Variants in FTO observed in about 807,000 individuals in gnomAD.
FTO encodes the protein alpha-ketoglutarate-dependent dioxygenase FTO.
A neutral mutation model predicts 63.9 loss-of-function variants in FTO; 47 were observed. That is an observed-to-expected ratio of 0.74 (90% confidence interval 0.58 to 0.94). The LOEUF (loss-of-function observed/expected upper bound fraction) is 0.94. Among genes scored for constraint, FTO ranks in the 40% least tolerant of loss-of-function variants. The pLI, the probability that FTO is intolerant of heterozygous loss-of-function variation, is 0.00. For synonymous variants in FTO, 207 were observed against 224.4 expected, an observed-to-expected ratio of 0.92 and a Z score of 0.69; for missense variants, 562 against 618.1, an observed-to-expected ratio of 0.91 and a Z score of 0.96.
chr16:53,843,318 T>C (rs1007294531), intron 3 of FTO, among the ~76,000 whole-genome samples: 1 of 152,218 alleles, frequency 6.6e-6, no homozygotes, highest in African/African-American at 2.4e-5. Flanking sequence ...AATTGTCCTC[T>C]ACAGAGAGTG....
chr16:53,790,703 T>A (rs1193244862), intron 1 of FTO, among the ~76,000 whole-genome samples: 1 of 151,798 alleles, frequency 6.6e-6, no homozygotes, highest in African/African-American at 2.4e-5. Context: ...TGTTGTAATA[T>A]CCTGAAGACA....
intron 8 of FTO, among the ~76,000 whole-genome samples, chr16:54,110,206 C>G (rs2086850907): frequency 6.6e-6 from 1 of 152,188 alleles, no homozygotes; most frequent in South Asian, 2.1e-4. Flanking sequence ...ACCCTCTGTT[C>G]TTCAGTGCAG....
At chr16:53,974,571 A>G (rs546730944) in intron 8 of FTO, among the ~76,000 whole-genome samples, 36 of 152,330 alleles carry the variant, frequency 2.4e-4, no homozygotes, top group African/African-American at 8.7e-4. Flanking sequence ...TATAAATTGC[A>G]AAAACCATGG....
chr16:53,735,317 G>A lies in FTO; in HGVS notation c.45+31088G>A, dbSNP rs576780961. Among the ~76,000 whole-genome samples, 7 of 152,336 alleles carry A rather than the reference G, an allele frequency of 4.6e-5. No individual in the cohort carries two copies. In the South Asian group the frequency reaches 1.4e-3, roughly 32 times the overall value. On this transcript the variant is annotated intron_variant, in intron 1 of 8. Transcript: ENST00000471389. ...TGCTAGACACAGGAGATACTGCAGT[G>A]AATAAGATGGACAGTCTCTGAACTC...
intron 1 of FTO, among the ~76,000 whole-genome samples, chr16:53,730,407 A>AT (rs921573215): frequency 2.6e-5 from 4 of 151,814 alleles, no homozygotes; most frequent in African/African-American, 9.7e-5. Flanking sequence ...TAAATTTCAT[A>AT]TTTTTTCTAT....
At chr16:53,961,395 C>T (rs958086328) in intron 8 of FTO, among the ~76,000 whole-genome samples, 1 of 152,186 alleles carries the variant, frequency 6.6e-6, no homozygotes, top group African/African-American at 2.4e-5. Flanking sequence ...TTATTGTGGG[C>T]TGACACTTGA....
intron 1 of FTO, among the ~76,000 whole-genome samples, chr16:53,760,141 C>G (rs1184020604): frequency 6.6e-6 from 1 of 151,922 alleles, no homozygotes; most frequent in Non-Finnish European, 1.5e-5. Flanking sequence ...GGCATGGGAG[C>G]TCACTTCTTA....
intron 1 of FTO, among the ~76,000 whole-genome samples, chr16:53,741,130 C>A (rs1484029007): frequency 6.6e-6 from 1 of 152,150 alleles, no homozygotes; most frequent in East Asian, 1.9e-4. Flanking sequence ...TGAAACATAG[C>A]CATGCTCATT....
At chr16:53,929,182 A>C (rs201858312) in intron 7 of FTO, among the ~76,000 whole-genome samples, 106 of 152,326 alleles carry the variant, frequency 7.0e-4, no homozygotes, top group Admixed American at 1.6e-3. Context: ...CACCACCACA[A>C]TCAAGGTACA....
chr16:53,783,388 G>T (rs938785193), intron 1 of FTO, among the ~76,000 whole-genome samples: 18 of 151,916 alleles, frequency 1.2e-4, no homozygotes, highest in African/African-American at 4.1e-4. Context: ...CGAGGCGGGC[G>T]GGTCACGAGG....
At chr16:53,922,134 A>G (rs1157258841) in intron 7 of FTO, among the ~76,000 whole-genome samples, 1 of 152,222 alleles carries the variant, frequency 6.6e-6, no homozygotes, top group African/African-American at 2.4e-5. Context: ...TTGTCTTTGT[A>G]GAGATCTTGG....
intron 2 of FTO, among the ~76,000 whole-genome samples, chr16:53,811,396 G>T (rs1207844906): frequency 1.3e-5 from 2 of 152,156 alleles, no homozygotes; most frequent in Non-Finnish European, 2.9e-5. Context: ...ACCAAGGAAG[G>T]AAGAGAGGAA....
chr16:53,961,393 G>A (rs779802662), intron 8 of FTO, among the ~76,000 whole-genome samples: 3 of 152,244 alleles, frequency 2.0e-5, no homozygotes, highest in Non-Finnish European at 4.4e-5. Context: ...TGTTATTGTG[G>A]GCTGACACTT....
chr16:54,084,819 T>G (rs918029), intron 8 of FTO, among the ~76,000 whole-genome samples: 1 of 151,586 alleles, frequency 6.6e-6, no homozygotes, highest in Non-Finnish European at 1.5e-5. Flanking sequence ...TGGCATGACC[T>G]GCCATGCTGC....
chr16:53,798,537 G>C (rs2078139165), intron 1 of FTO, among the ~76,000 whole-genome samples: 1 of 151,954 alleles, frequency 6.6e-6, no homozygotes, highest in Admixed American at 6.5e-5. Context: ...AAGGTACATG[G>C]TATTTAAAAA....
chr16:53,720,607 C>G (rs1453570226), intron 1 of FTO, among the ~76,000 whole-genome samples: 1 of 144,272 alleles, frequency 6.9e-6, no homozygotes, highest in African/African-American at 2.5e-5. Context: ...AACACAGAAA[C>G]TTAAAAAGAT....
rs28837102 is a variant in FTO, at chr16:54,013,029, A to G, written c.1364+78920A>G. On this transcript the variant is annotated intron_variant, in intron 8 of 8. Transcript: ENST00000471389. The stretch of plus-strand genomic sequence containing the variant: ...TTTAAGAAACACATTTTGTAAAGCT[A>G]TAGCTGGCATTCCTCTGATAAATCT... Among the ~76,000 whole-genome samples, 1,113 of 152,294 alleles carry G rather than the reference A, an allele frequency of 7.3e-3. 11 individuals carry two copies. Among genetic ancestry groups the G allele is most frequent in the African/African-American group, 0.025 (1,053 of 41,572 alleles).
At chr16:53,865,019 ACTCAGTGTTCCC>A (rs1286831967) in intron 4 of FTO, among the ~76,000 whole-genome samples, 2 of 152,046 alleles carry the variant, frequency 1.3e-5, no homozygotes, top group South Asian at 2.1e-4. Flanking sequence ...TCACTAGGTG[ACTCAGTGTTCCC>A]CTCAGTGGAA....
intron 7 of FTO, among the ~76,000 whole-genome samples, chr16:53,915,373 A>G (rs1354103536): frequency 1.3e-5 from 2 of 152,226 alleles, no homozygotes; most frequent in Non-Finnish European, 2.9e-5. Context: ...TTAAATATAA[A>G]TAGAGTATCC....
Sources: gnomAD v4.1 joint callset for allele counts (sites outside exome capture counted in the v4.1 genomes callset) on GRCh38, gnomAD v4.1.1 for gene constraint, MANE v1.5 for transcripts, NCBI Gene and HGNC (gene_info 2026-07-23, HGNC 2026-07-21) for gene names.